BBS2: variants seen among roughly 807,000 people sequenced by gnomAD.
The protein encoded by BBS2 is BBSome complex member BBS2.
BBS2 carries 62 observed loss-of-function variants against 83.0 expected under a neutral mutation model. That is an observed-to-expected ratio of 0.75 (90% CI 0.61 to 0.92). The LOEUF is 0.92. Among genes scored for constraint, BBS2 ranks in the 40% least tolerant of loss-of-function variants. The probability of loss-of-function intolerance (pLI) is 0.00; values close to 1 mark genes in which losing one functional copy is unlikely to be tolerated. For missense variants in BBS2, 784 were observed against 901.0 expected (o/e 0.87, Z 1.66); for synonymous variants, 303 against 326.1 (o/e 0.93, Z 0.76).
At chr16:56,471,992 T>A (rs1392447229) in intron 17 of BBS2, among the ~76,000 whole-genome samples, 1 of 152,114 alleles carries the variant, frequency 6.6e-6, no homozygotes, top group African/African-American at 2.4e-5. Flanking sequence ...GACACGGTCT[T>A]GCACTGTCAC....
chr16:56,476,007 C>T (rs750053916), intron 17 of BBS2: 18 of 1,563,460 alleles, frequency 1.2e-5, no homozygotes, highest in Non-Finnish European at 1.5e-5. Flanking sequence ...AGAATAAGTT[C>T]TGTGTTCTGA....
At chr16:56,501,195 A>G in intron 10 of BBS2, 158 bp downstream of exon 10, 1 of 1,280,068 alleles carries the variant, frequency 7.8e-7, no homozygotes, top group African/African-American at 1.5e-5. Flanking sequence ...CTGTAGTCCC[A>G]GCTACTTGGG....
At chr16:56,494,954 T>C (rs1318829143) in intron 15 of BBS2, among the ~76,000 whole-genome samples, 2 of 141,720 alleles carry the variant, frequency 1.4e-5, no homozygotes, top group Non-Finnish European at 1.5e-5. Flanking sequence ...AGAGCGAGAC[T>C]CCGTCTCGAA....
rs1276709369 is a variant in BBS2 at position 56,514,694 on chromosome 16, A to T, written c.118-14T>A. Reference sequence around the variant, plus strand: ...ATGAATAAAAACCTGAAACAAAAATAACTAATTACATTCCCTTAAAATATA... The same window carrying T: ...ATGAATAAAAACCTGAAACAAAAATTACTAATTACATTCCCTTAAAATATA... On this transcript the variant is annotated splice_polypyrimidine_tract_variant and intron_variant, in intron 1 of 16. Transcript: ENST00000245157. The T allele has an allele frequency of 1.3e-6, 2 of 1,572,894 alleles. No individual in the cohort carries two copies. The highest frequency in any genetic ancestry group is 2.2e-5 in the South Asian group (2 of 89,700).
chr16:56,513,680 A>T (rs1964643055), intron 2 of BBS2, among the ~76,000 whole-genome samples: 1 of 152,202 alleles, frequency 6.6e-6, no homozygotes, highest in African/African-American at 2.4e-5. Context: ...CTGGTTGCCT[A>T]AGGTTAGGAG....
chr16:56,499,048 TAA>T, intron 12 of BBS2: 1 of 243,974 alleles, frequency 4.1e-6, no homozygotes, highest in South Asian at 5.0e-5. Flanking sequence ...AAGGAAAATA[TAA>T]GTTTTAATGT....
At chr16:56,476,433 T>A in intron 17 of BBS2, 2 of 351,408 alleles carry the variant, frequency 5.7e-6, no homozygotes, top group Non-Finnish European at 1.0e-5. Flanking sequence ...TTTTTTTTTT[T>A]AACATTTAGT....
Position 56,505,990 on chromosome 16 carries a change from T to C in BBS2, c.764A>G (p.Asp255Gly). The C allele has an allele frequency of 6.2e-7, 1 of 1,614,044 alleles. No homozygotes were observed. Among genetic ancestry groups the C allele is most frequent in the Non-Finnish European group, 8.5e-7 (1 of 1,179,948 alleles). The change falls in exon 7 of 17, where the codon GAT becomes GGT. Residue 255 changes from aspartate (D) to glycine (G), a missense_variant. Coordinates refer to ENST00000245157, the MANE Select transcript of BBS2 (RefSeq NM_031885.5). Reference protein sequence around the residue: ...MSIHAFDLNSDGVNELITGWS... With the variant: ...MSIHAFDLNSGGVNELITGWS... ...ACCAGTTATCAGTTCATTCACTCCA[T>C]CAGAATTAAGGTCAAAAGCATGAAT... is the stretch of plus-strand genomic sequence containing the variant.
chr16:56,473,827 G>A (rs1330705524), intron 17 of BBS2, among the ~76,000 whole-genome samples: 1 of 149,516 alleles, frequency 6.7e-6, no homozygotes, highest in Non-Finnish European at 1.5e-5. Context: ...TTTTTTTTGA[G>A]GTGGACTCTC....
chr16:56,500,845 A>G lies in BBS2; in HGVS notation c.1397+9T>C. 6.2e-7 allele frequency: 1 copy of G among 1,613,852 alleles called. No homozygotes were observed. ...GTCCTGAAATGAACTGTGACTTGCA[A>G]AGGGTCACCTGCTTCTGTAACCCAC... On this transcript the variant is annotated intron_variant, in intron 11 of 16. Transcript: ENST00000245157.
At chr16:56,485,935 A>G (rs1963764684) in intron 15 of BBS2, among the ~76,000 whole-genome samples, 197 bp from the exon 16 acceptor site, 1 of 152,244 alleles carries the variant, frequency 6.6e-6, no homozygotes, top group African/African-American at 2.4e-5. Flanking sequence ...AAATAAACAG[A>G]AGACAAGTGG....
At chr16:56,503,867 C>T (rs1387892566) in intron 7 of BBS2, among the ~76,000 whole-genome samples, 4 of 150,154 alleles carry the variant, frequency 2.7e-5, no homozygotes, top group African/African-American at 7.4e-5. Flanking sequence ...TGCAGTGAGC[C>T]GAGATTGCGC....
downstream of BBS2, among the ~76,000 whole-genome samples, chr16:56,481,265 G>A (rs1285551488): frequency 6.6e-6 from 1 of 151,994 alleles, no homozygotes; most frequent in African/African-American, 2.4e-5. Context: ...CCCAAGCAGA[G>A]CGGCAGATGC....
At chr16:56,500,562 T>G (rs1181956041) in intron 11 of BBS2, 3 of 361,448 alleles carry the variant, frequency 8.3e-6, no homozygotes, top group South Asian at 2.7e-5. Context: ...GAGGTAGAGG[T>G]TGCAGTGAAC....
rs1963736716 is a variant in BBS2 at position 56,485,030 on chromosome 16, T to C, written c.2060-163A>G. On this transcript the variant is annotated intron_variant, in intron 16 of 16. Transcript: ENST00000245157. ...AAAAAATAACTTGGTGAGGGAATTA[T>C]TGAAAAAACTGACTTAGAGACTGTC... Among the ~76,000 whole-genome samples, 1 of 152,230 alleles carries C rather than the reference T, an allele frequency of 6.6e-6. No individual in the cohort carries two copies. Among genetic ancestry groups the C allele is most frequent in the African/African-American group, 2.4e-5 (1 of 41,460 alleles).
rs1220240524 is a variant in BBS2 at position 56,500,981 on chromosome 16, T to C, written c.1270A>G (p.Thr424Ala). The C allele has an allele frequency of 2.5e-6, 4 of 1,613,938 alleles. No individual in the cohort carries two copies. The African/African-American group carries it at 4.0e-5, about 16-fold the overall frequency. ...AVLIFAEGIF[T>A]GESHVVHPSI... Reference sequence around the variant, plus strand: ...GGATGTACCACGTGGCTTTCACCTGTAAAAATTCCTTCTGCAAAAATCAAT... The same window carrying C: ...GGATGTACCACGTGGCTTTCACCTGCAAAAATTCCTTCTGCAAAAATCAAT... Residue 424 changes from threonine to alanine, a missense_variant, in exon 11 of 17, where the codon ACA becomes GCA. Physicochemically the swap from Thr to Ala is moderately conservative, Grantham distance 58. Coordinates refer to ENST00000245157, the MANE Select transcript of BBS2 (RefSeq NM_031885.5).
At chr16:56,472,740 T>TG (rs1351893246) in intron 17 of BBS2, among the ~76,000 whole-genome samples, 1 of 152,154 alleles carries the variant, frequency 6.6e-6, no homozygotes, top group Non-Finnish European at 1.5e-5. Context: ...TATACACATA[T>TG]GGGGGGTATA....
At chr16:56,486,640 T>A (rs765493862) in intron 15 of BBS2, among the ~76,000 whole-genome samples, 16 of 152,192 alleles carry the variant, frequency 1.1e-4, no homozygotes, top group Non-Finnish European at 2.1e-4. Context: ...TTATATGGTA[T>A]TTTGAAAAGG....
intron 15 of BBS2, among the ~76,000 whole-genome samples, chr16:56,495,766 A>ATGTGTG (rs34446691): frequency 4.7e-5 from 7 of 149,208 alleles, no homozygotes; most frequent in Admixed American, 2.7e-4. Context: ...GTGTGTATAT[A>ATGTGTG]TGTGTGTGTG....
Sources: gnomAD v4.1 joint callset for allele counts (sites outside exome capture counted in the v4.1 genomes callset) on GRCh38, gnomAD v4.1.1 for gene constraint, MANE v1.5 for transcripts, NCBI Gene and HGNC (gene_info 2026-07-23, HGNC 2026-07-21) for gene names.